Variants in FXYD3 observed in about 807,000 individuals in gnomAD.
FXYD3 encodes FXYD domain-containing ion transport regulator 3.
FXYD3 carries 13 observed loss-of-function variants against 19.2 expected under a neutral mutation model. The ratio of observed to expected loss-of-function variants is 0.68; its 90% CI spans 0.44 to 1.08. The LOEUF is 1.08. FXYD3 is among the 50% of genes least tolerant of loss of function. The pLI is 0.00. For synonymous variants in FXYD3, 48 were observed against 38.9 expected (o/e 1.23, Z -0.87); for missense variants, 101 against 109.4 (o/e 0.92, Z 0.34).
intron 3 of FXYD3, among the ~76,000 whole-genome samples, 173 bp from the exon 4 acceptor site, chr19:35,120,905 C>T (rs1419008972): frequency 6.6e-6 from 1 of 152,196 alleles, no homozygotes. Context: ...GCTGAGTGGG[C>T]GAGTCCACAT....
intron 2 of FXYD3, 139 bp from the exon 3 acceptor site, chr19:35,119,224 C>G (rs767841065): frequency 1.1e-5 from 18 of 1,601,892 alleles, no homozygotes; most frequent in Non-Finnish European, 1.4e-5. Context: ...TCTCTCAGCC[C>G]AGCGAGATGC....
At position 35,121,125 on chromosome 19, in the gene FXYD3, A is replaced by C; in HGVS notation, c.73+15A>C. ...TGACCTAGAAGGTGAGTCAGACTGGACTCTCACCCGTCACACCCCCAAATT... is the reference window on the plus strand; with the variant it reads ...TGACCTAGAAGGTGAGTCAGACTGGCCTCTCACCCGTCACACCCCCAAATT... On this transcript the variant is annotated intron_variant, in intron 4 of 8. Coordinates refer to ENST00000604404, the MANE Select transcript of FXYD3 (RefSeq NM_005971.4). The C allele has an allele frequency of 6.2e-7, 1 of 1,613,122 alleles. No homozygotes were observed. Among genetic ancestry groups the C allele is most frequent in the Non-Finnish European group, 8.5e-7 (1 of 1,179,878 alleles).
At chr19:35,119,591 G>A in intron 3 of FXYD3, 175 bp downstream of exon 3, 1 of 603,546 alleles carries the variant, frequency 1.7e-6, no homozygotes, top group Non-Finnish European at 3.0e-6. Flanking sequence ...CACGAGAAGA[G>A]CTGGCTCACA....
chr19:35,117,564 T>C (rs1402772456), intron 2 of FXYD3, among the ~76,000 whole-genome samples: 1 of 151,818 alleles, frequency 6.6e-6, no homozygotes, highest in African/African-American at 2.4e-5. Context: ...CATCTGCTGT[T>C]ATTACCAGGA....
intron 3 of FXYD3, 27 bp downstream of exon 3, chr19:35,119,443 T>TGGA: frequency 6.2e-7 from 1 of 1,607,142 alleles, no homozygotes; most frequent in Non-Finnish European, 8.5e-7. Context: ...CGTCTGCCTT[T>TGGA]TCCTCTGGAT....
intron 2 of FXYD3, chr19:35,117,234 T>C (rs1230259592): frequency 1.4e-6 from 2 of 1,457,660 alleles, no homozygotes; most frequent in African/African-American, 3.0e-5. Flanking sequence ...TCCGGAAGCA[T>C]GGGACTGGAC....
intron 2 of FXYD3, chr19:35,118,538 G>C (rs745426347): frequency 1.9e-4 from 192 of 990,672 alleles, no homozygotes; most frequent in Non-Finnish European, 2.3e-4. Context: ...TCCTTATGCT[G>C]AGCAGGTCTA....
At chr19:35,117,633 C>T (rs937968217) in intron 2 of FXYD3, among the ~76,000 whole-genome samples, 2 of 151,620 alleles carry the variant, frequency 1.3e-5, no homozygotes, top group Non-Finnish European at 2.9e-5. Context: ...AACCTGTGCC[C>T]CTATCCAACA....
chr19:35,118,641 C>G, intron 2 of FXYD3: 1 of 937,324 alleles, frequency 1.1e-6, no homozygotes, highest in East Asian at 1.1e-4. Context: ...CTAGGCAGAG[C>G]CAGGGCTGGG....
chr19:35,119,578 A>T, intron 3 of FXYD3, 162 bp downstream of exon 3: 2 of 619,924 alleles, frequency 3.2e-6, no homozygotes, highest in Non-Finnish European at 5.8e-6. Context: ...ATAGCCGGGG[A>T]TACACGAGAA....
chr19:35,117,919 CCT>C (rs1204223210), intron 2 of FXYD3: 3 of 152,116 alleles, frequency 2.0e-5, no homozygotes, highest in Non-Finnish European at 2.9e-5. Context: ...CGGGCACCAC[CCT>C]CTCTCAGCAT....
intron 2 of FXYD3, chr19:35,119,088 G>T: frequency 1.0e-6 from 1 of 992,502 alleles, no homozygotes; most frequent in Non-Finnish European, 1.6e-6. Context: ...GGGCAGTGGC[G>T]CCCTTGTTTG....
At position 35,122,879 on chromosome 19, in the gene FXYD3, G is replaced by T. The variant is rs760584042; in HGVS notation, c.173-39G>T. Reference sequence around the variant, plus strand: ...TCGGGGGAGCAGGCGGGCCGGGGCTGGGGCTCCCCTCCCCTGACCACTCAG... The same window carrying T: ...TCGGGGGAGCAGGCGGGCCGGGGCTTGGGCTCCCCTCCCCTGACCACTCAG... On this transcript the variant is annotated intron_variant, in intron 6 of 8. Coordinates refer to ENST00000604404, the MANE Select transcript of FXYD3 (RefSeq NM_005971.4). 5 of 1,613,720 alleles carry T rather than the reference G, an allele frequency of 3.1e-6. No individual in the cohort carries two copies. In the Admixed American group the frequency reaches 8.3e-5, roughly 27 times the overall value.
intron 2 of FXYD3, 166 bp from the exon 3 acceptor site, chr19:35,119,197 G>A (rs770357800): frequency 4.5e-6 from 7 of 1,570,102 alleles, no homozygotes; most frequent in Non-Finnish European, 6.0e-6. Flanking sequence ...CCCACTCCAC[G>A]GTGCAGCTGC....
chr19:35,123,597 C>A lies in FXYD3; in HGVS notation c.*140C>A. ...TGCATGGCAGGGCCTCATCTCACCTCTCGCAAGAGGGTCTCTTTGTTCAAT... is the reference window on the plus strand; with the variant it reads ...TGCATGGCAGGGCCTCATCTCACCTATCGCAAGAGGGTCTCTTTGTTCAAT... On this transcript the variant is annotated 3_prime_UTR_variant, in exon 9 of 9. Transcript: ENST00000604404. The A allele has an allele frequency of 1.2e-6, 1 of 823,306 alleles. No individual in the cohort carries two copies. The highest frequency in any genetic ancestry group is 2.0e-6 in the Non-Finnish European group (1 of 505,856). The allele number at this position is 823,306 out of a possible 1,614,324, so 51.0% of individuals were successfully genotyped here.
At chr19:35,117,042 C>T (rs573075428) in intron 2 of FXYD3, 8 of 985,200 alleles carry the variant, frequency 8.1e-6, no homozygotes, top group Admixed American at 6.1e-5. Context: ...GTCCTCAGGC[C>T]GGCCTTGGGA....
intron 2 of FXYD3, chr19:35,118,647 C>A: frequency 1.1e-6 from 1 of 903,578 alleles, no homozygotes; most frequent in Non-Finnish European, 1.3e-6. Flanking sequence ...AGAGCCAGGG[C>A]TGGGACCGGG....
Position 35,123,789 on chromosome 19 carries a change from CCTTG to C in FXYD3, c.*333_*336del. 2.3e-6 allele frequency: 1 copy of C among 437,030 alleles called. No individual in the cohort carries two copies. Among genetic ancestry groups the C allele is most frequent in the South Asian group, 2.7e-5 (1 of 36,412 alleles). 27.1% of individuals were successfully genotyped at this position (437,030 alleles called of 1,614,324 possible). On this transcript the variant is annotated 3_prime_UTR_variant, in exon 9 of 9. Coordinates refer to ENST00000604404, the MANE Select transcript of FXYD3 (RefSeq NM_005971.4). ...TTGGGAAAAGCCCACAGGCCTGTTC[CCTTG>C]TGGCTTGGGACATGGCACAGGCCCG...
intron 2 of FXYD3, chr19:35,119,154 T>C (rs1600445017): frequency 6.5e-7 from 1 of 1,544,654 alleles, no homozygotes; most frequent in African/African-American, 1.4e-5. Flanking sequence ...TTATTATGGC[T>C]CCTCCCGCCT....
Sources: gnomAD v4.1 joint callset for allele counts (sites outside exome capture counted in the v4.1 genomes callset) on GRCh38, gnomAD v4.1.1 for gene constraint, MANE v1.5 for transcripts, NCBI Gene and HGNC (gene_info 2026-07-23, HGNC 2026-07-21) for gene names.